The following NUP155 variants were observed in gnomAD, a reference collection of about 807,000 sequenced individuals.
NUP155 encodes the protein nucleoporin 155.
A neutral mutation model predicts 180.4 loss-of-function variants in NUP155; 71 were observed. That is an observed-to-expected ratio of 0.39 (90% CI 0.33 to 0.48). The LOEUF (loss-of-function observed/expected upper bound fraction) is 0.48, where lower values mean the gene tolerates loss of function less well. Among genes scored for constraint, NUP155 ranks in the 20% least tolerant of loss-of-function variants. NUP155 has a pLI of 0.91. For missense variants in NUP155, 1,553 were observed against 1,648.9 expected (o/e 0.94, Z 1.01); for synonymous variants, 582 against 559.5 (o/e 1.04, Z -0.57).
chr5:37,331,161 G>A (rs1405062627), intron 14 of NUP155, among the ~76,000 whole-genome samples: 1 of 147,336 alleles, frequency 6.8e-6, no homozygotes, highest in East Asian at 2.0e-4. Context: ...AAAAAAAAAA[G>A]AATTTATCAA....
intron 1 of NUP155, among the ~76,000 whole-genome samples, chr5:37,365,419 T>C (rs915961052): frequency 2.0e-5 from 3 of 151,234 alleles, no homozygotes; most frequent in Non-Finnish European, 4.4e-5. Context: ...CACATAAATA[T>C]ATACACCGTT....
chr5:37,293,224 T>C, intron 33 of NUP155: 1 of 423,076 alleles, frequency 2.4e-6, no homozygotes, highest in South Asian at 2.5e-5. Flanking sequence ...TATACCAATC[T>C]ACTTTGCAGA....
rs1747415294 is a variant in NUP155, at chr5:37,364,403, G to A, written c.158-19C>T. 1 of 1,608,104 alleles carries A rather than the reference G, an allele frequency of 6.2e-7. No individual in the cohort carries two copies. The highest frequency in any genetic ancestry group is 1.7e-5 in the Admixed American group (1 of 59,970). ...GGATTATCTACAAAAAGAAAATGAAGTATTTATAATAATGTACTGCTCATC... is the reference window on the plus strand; with the variant it reads ...GGATTATCTACAAAAAGAAAATGAAATATTTATAATAATGTACTGCTCATC... On this transcript the variant is annotated intron_variant, in intron 1 of 34. Coordinates refer to ENST00000231498, the MANE Select transcript of NUP155 (RefSeq NM_153485.3).
chr5:37,320,293 C>T (rs1254240600), intron 20 of NUP155, among the ~76,000 whole-genome samples: 1 of 151,918 alleles, frequency 6.6e-6, no homozygotes, highest in Non-Finnish European at 1.5e-5. Context: ...GCCTGACCAA[C>T]AAGGAGAAAC....
intron 14 of NUP155, 106 bp downstream of exon 14, chr5:37,331,579 T>C (rs972369320): frequency 7.4e-6 from 3 of 405,522 alleles, no homozygotes; most frequent in Non-Finnish European, 1.3e-5. Context: ...CATCTCAAAA[T>C]ATATATATAT....
chr5:37,352,920 T>A, intron 4 of NUP155, 91 bp from the exon 5 acceptor site: 1 of 821,840 alleles, frequency 1.2e-6, no homozygotes, highest in Non-Finnish European at 2.1e-6. Context: ...AGCTACTAAT[T>A]AAATGGTATA....
chr5:37,317,688 C>CAT (rs1743986515), intron 21 of NUP155, among the ~76,000 whole-genome samples: 1 of 131,314 alleles, frequency 7.6e-6, no homozygotes, highest in South Asian at 2.4e-4. Context: ...CCCAATCACA[C>CAT]TTTTTTTTTT....
rs1491216296 is a variant in NUP155, at chr5:37,365,711, G to GGAAAAAAAAAAA, written c.158-1328_158-1327insTTTTTTTTTTTC. On this transcript the variant is annotated intron_variant, in intron 1 of 34. Transcript: ENST00000231498. ...TGACAGAGCAAGACTCTGTCTCGGGGAGAAAAAAAAAAAAAAAAAAAAAAA... is the reference window on the plus strand; with the variant it reads ...TGACAGAGCAAGACTCTGTCTCGGGGGAAAAAAAAAAAAGAAAAAAAAAAAAAAAAAAAAAAA... 1.2e-4 allele frequency among the ~76,000 whole-genome samples: 4 copies of GGAAAAAAAAAAA among 34,016 alleles called. 2 individuals are homozygous for GGAAAAAAAAAAA. Among genetic ancestry groups the GGAAAAAAAAAAA allele is most frequent in the Admixed American group, 9.6e-4 (2 of 2,078 alleles). 22.3% of individuals were successfully genotyped at this position (34,016 alleles called of 152,430 possible).
chr5:37,307,784 T>G (rs1002580241), intron 24 of NUP155, among the ~76,000 whole-genome samples: 52 of 151,836 alleles, frequency 3.4e-4, no homozygotes, highest in African/African-American at 1.2e-3. Flanking sequence ...TAGCTGGGCC[T>G]GGTGGCATGC....
intron 17 of NUP155, among the ~76,000 whole-genome samples, chr5:37,328,126 A>C (rs1329729655): frequency 6.6e-6 from 1 of 152,250 alleles, no homozygotes; most frequent in African/African-American, 2.4e-5. Context: ...TTAGGGTTCA[A>C]TTTAATCCTG....
At chr5:37,314,353 T>C (rs770974107) in intron 21 of NUP155, 25 bp from the exon 22 acceptor site, 1 of 1,528,192 alleles carries the variant, frequency 6.5e-7, no homozygotes, top group South Asian at 1.2e-5. Context: ...AAATAAATTA[T>C]TATAAAATAA....
At chr5:37,308,790 G>T (rs1035182357) in intron 24 of NUP155, among the ~76,000 whole-genome samples, 2 of 148,910 alleles carry the variant, frequency 1.3e-5, no homozygotes, top group African/African-American at 4.9e-5. Flanking sequence ...TGAGGCAGGA[G>T]AATTGCTGGA....
intron 30 of NUP155, among the ~76,000 whole-genome samples, chr5:37,300,749 T>A (rs1451544294): frequency 6.6e-6 from 1 of 152,000 alleles, no homozygotes; most frequent in Admixed American, 6.6e-5. Flanking sequence ...CTGGGCCTCC[T>A]GGGCTAAATC....
At chr5:37,357,715 C>G (rs1030869324) in intron 4 of NUP155, among the ~76,000 whole-genome samples, 3 of 152,118 alleles carry the variant, frequency 2.0e-5, no homozygotes, top group African/African-American at 7.2e-5. Flanking sequence ...TGTTGTCAGC[C>G]AGGCGCGGTG....
intron 1 of NUP155, 81 bp from the exon 2 acceptor site, chr5:37,364,465 A>ATTG: frequency 7.8e-7 from 1 of 1,278,862 alleles, no homozygotes; most frequent in Non-Finnish European, 1.1e-6. Context: ...CCACAAAAAA[A>ATTG]TTGTTGTGTG....
rs756109875 is a variant in NUP155 at position 37,364,028 on chromosome 5, CTTCT to C, written c.296-48_296-45del. On this transcript the variant is annotated intron_variant, in intron 2 of 34. Coordinates refer to ENST00000231498, the MANE Select transcript of NUP155 (RefSeq NM_153485.3). ...AAGGCAGACAGAGGTGAATCTTATT[CTTCT>C]TTAACTTGTTTCAATAGCTTTTGAC... 114 of 1,410,360 alleles carry C rather than the reference CTTCT, an allele frequency of 8.1e-5. 1 individual carries two copies. The South Asian group carries it at 1.2e-3, about 15-fold the overall frequency. 87.4% of individuals were successfully genotyped at this position (1,410,360 alleles called of 1,614,324 possible).
chr5:37,324,189 G>A, intron 19 of NUP155, 82 bp from the exon 20 acceptor site: 2 of 822,690 alleles, frequency 2.4e-6, no homozygotes, highest in South Asian at 1.4e-5. Context: ...ATTTTGAAAT[G>A]AGTATCTCTA....
rs1345551417 is a variant in NUP155, at chr5:37,306,714, C to G, written c.2903+583G>C. Among the ~76,000 whole-genome samples the G allele has an allele frequency of 9.2e-5, 14 of 152,092 alleles. 1 individual carries two copies. ...ACTCCTGACCTCATGATCTGCCCAC[C>G]TCAGCCTCCCAAAGTGCTGGGATTA... On this transcript the variant is annotated intron_variant, in intron 25 of 34. Transcript: ENST00000231498.
chr5:37,329,987 A>G (rs1371918973), intron 15 of NUP155, 51 bp downstream of exon 15: 2 of 1,259,470 alleles, frequency 1.6e-6, no homozygotes, highest in East Asian at 2.4e-5. Context: ...TCATTTTAAA[A>G]AGTGGCCCAG....
Sources: allele counts gnomAD v4.1 joint callset (sites outside exome capture counted in the v4.1 genomes callset), GRCh38; gene constraint gnomAD v4.1.1; transcripts MANE v1.5; gene names NCBI Gene and HGNC (gene_info 2026-07-23, HGNC 2026-07-21).